Variants in FRYL observed in about 807,000 individuals in gnomAD.
The protein encoded by FRYL is protein furry homolog-like.
Under a neutral mutation model 351.2 loss-of-function variants are expected in FRYL, and 150 were observed. The observed-to-expected ratio is 0.43, with a 90% CI of 0.37 to 0.49. The LOEUF (loss-of-function observed/expected upper bound fraction) is 0.49. Among genes scored for constraint, FRYL ranks in the 20% least tolerant of loss-of-function variants. The pLI is 0.00. For missense variants in FRYL, 3,036 were observed against 3,619.3 expected (o/e 0.84, Z 4.13); for synonymous variants, 1,153 against 1,257.1 (o/e 0.92, Z 1.75).
In FRYL at chr4:48,535,836, C is replaced by A; in HGVS notation, c.6394-9G>T. On this transcript the variant is annotated splice_polypyrimidine_tract_variant and intron_variant, in intron 47 of 63. Coordinates refer to ENST00000358350, the MANE Select transcript of FRYL (RefSeq NM_015030.2). ...TTTTCTTCTGCACAAACCTAGAAAA[C>A]AAATAAAATTATTTCATTCACCTAA... 1 of 1,489,552 alleles carries A rather than the reference C, an allele frequency of 6.7e-7. No individual in the cohort carries two copies. Among genetic ancestry groups the A allele is most frequent in the Non-Finnish European group, 9.0e-7 (1 of 1,112,912 alleles). The allele number at this position is 1,489,552 out of a possible 1,614,324, so 92.3% of individuals were successfully genotyped here.
chr4:48,622,725 G>A (rs1750922444), intron 5 of FRYL, among the ~76,000 whole-genome samples: 1 of 152,094 alleles, frequency 6.6e-6, no homozygotes, highest in Non-Finnish European at 1.5e-5. Flanking sequence ...GGAAGAATTA[G>A]CATTAGAAGA....
In FRYL at chr4:48,761,651, A is replaced by G. The variant is rs78046871; in HGVS notation, c.-384+18427T>C. On this transcript the variant is annotated intron_variant, in intron 1 of 63. Coordinates refer to ENST00000358350, the MANE Select transcript of FRYL (RefSeq NM_015030.2). ...GTCTACTGTACTTTTCTTTGTTTAGATACAAGAAAGTATCTAAACATAGAA... is the reference window on the plus strand; with the variant it reads ...GTCTACTGTACTTTTCTTTGTTTAGGTACAAGAAAGTATCTAAACATAGAA... Among the ~76,000 whole-genome samples the G allele has an allele frequency of 3.6e-3, 546 of 152,260 alleles. 6 individuals are homozygous for G. The highest frequency in any genetic ancestry group is 0.013 in the African/African-American group (534 of 41,538).
chr4:48,576,267 A>C, intron 23 of FRYL, 45 bp from the exon 24 acceptor site: 20 of 1,328,542 alleles, frequency 1.5e-5, no homozygotes, highest in Non-Finnish European at 1.7e-5. Context: ...ATAACACAAC[A>C]CGTTTTTAAA....
At chr4:48,604,307 G>T (rs1297924035) in intron 11 of FRYL, among the ~76,000 whole-genome samples, 1 of 152,212 alleles carries the variant, frequency 6.6e-6, no homozygotes, top group African/African-American at 2.4e-5. Context: ...GGCAGAAGGA[G>T]CTGCATGTGC....
At chr4:48,696,876 CT>C (rs1421398981) in intron 2 of FRYL, among the ~76,000 whole-genome samples, 7 of 151,502 alleles carry the variant, frequency 4.6e-5, no homozygotes, top group Non-Finnish European at 8.8e-5. Context: ...ATCTATCTAT[CT>C]ATCTATCTAT....
At chr4:48,679,656 GTT>G (rs1193546993) in intron 3 of FRYL, among the ~76,000 whole-genome samples, 1 of 141,330 alleles carries the variant, frequency 7.1e-6, no homozygotes, top group Non-Finnish European at 1.5e-5. Flanking sequence ...ATAATATACA[GTT>G]TCAAACAGCT....
intron 1 of FRYL, among the ~76,000 whole-genome samples, chr4:48,717,127 TG>T (rs1768944765): frequency 2.1e-5 from 1 of 48,534 alleles, no homozygotes; most frequent in Non-Finnish European, 3.7e-5. Flanking sequence ...TGTTGTGGGG[TG>T]GGGGGAGGGG....
At position 48,637,487 on chromosome 4, in the gene FRYL, C is replaced by T. The variant is rs1403226025; in HGVS notation, c.-80-2997G>A. 3 of 152,112 alleles carry T rather than the reference C, an allele frequency of 2.0e-5. No homozygotes were observed. The East Asian group carries it at 5.8e-4, about 29-fold the overall frequency. 9.4% of individuals were successfully genotyped at this position (152,112 alleles called of 1,614,324 possible). A position where few individuals can be genotyped will look rare whatever the true frequency, so the allele number is the denominator to read the frequency against. ...CTAAGTTGTAATATTTCTCTACATG[C>T]TAACCCAAAATTTTGAAAGATTTAT... On this transcript the variant is annotated intron_variant, in intron 3 of 63. Transcript: ENST00000358350.
chr4:48,553,250 A>T lies in FRYL; in HGVS notation c.4400T>A (p.Ile1467Asn), dbSNP rs776832484. ...AGAAGGGATTTTATAGCTGGAAGTG[A>T]TGCGATAATACGGGGGATTATCCAT... The part of the protein sequence containing the change: ...THMDNPPYYR[I>N]TSSYKIPSVT... Residue 1467 changes from isoleucine (I) to asparagine (N), a missense_variant, in exon 36 of 64, where the codon ATC (isoleucine) becomes AAC (asparagine). Transcript: ENST00000358350. 6.2e-7 allele frequency: 1 copy of T among 1,613,082 alleles called. No homozygotes were observed. The highest frequency in any genetic ancestry group is 8.5e-7 in the Non-Finnish European group (1 of 1,179,672).
At chr4:48,700,839 A>G (rs1172033508) in intron 2 of FRYL, among the ~76,000 whole-genome samples, 1 of 151,622 alleles carries the variant, frequency 6.6e-6, no homozygotes, top group East Asian at 1.9e-4. Context: ...AACTTTCATC[A>G]CTCCAAACTA....
intron 13 of FRYL, 66 bp from the exon 14 acceptor site, chr4:48,596,066 C>T (rs1239796952): frequency 1.6e-5 from 17 of 1,046,812 alleles, no homozygotes; most frequent in Non-Finnish European, 1.3e-5. Context: ...CAAACATATT[C>T]TCTGTCAACA....
At chr4:48,525,510 G>C (rs1725928480) in intron 53 of FRYL, among the ~76,000 whole-genome samples, 1 of 152,204 alleles carries the variant, frequency 6.6e-6, no homozygotes, top group Non-Finnish European at 1.5e-5. Flanking sequence ...ACAATGAACA[G>C]TGTGATACGG....
At chr4:48,542,642 T>C (rs142518514) in intron 44 of FRYL, among the ~76,000 whole-genome samples, 256 of 152,244 alleles carry the variant, frequency 1.7e-3, no homozygotes, top group African/African-American at 5.8e-3. Context: ...TCTCGAACTC[T>C]TGATCTCAGG....
chr4:48,553,549 ATCAATACTG>A (rs889604047), intron 35 of FRYL, among the ~76,000 whole-genome samples, 166 bp from the exon 36 acceptor site: 2 of 152,132 alleles, frequency 1.3e-5, no homozygotes, highest in Non-Finnish European at 2.9e-5. Flanking sequence ...AATCAGCTTT[ATCAATACTG>A]TCCTCCCTCT....
intron 1 of FRYL, among the ~76,000 whole-genome samples, chr4:48,729,045 G>A (rs776179553): frequency 3.3e-5 from 5 of 152,218 alleles, no homozygotes; most frequent in Admixed American, 1.3e-4. Context: ...CACGGTCTTC[G>A]CAACTGGCAG....
At chr4:48,756,939 C>T (rs549993518) in intron 1 of FRYL, among the ~76,000 whole-genome samples, 2 of 152,230 alleles carry the variant, frequency 1.3e-5, no homozygotes, top group Admixed American at 1.3e-4. Flanking sequence ...CGGAGTGAGA[C>T]TCTGTCTCTA....
intron 3 of FRYL, among the ~76,000 whole-genome samples, chr4:48,648,096 A>C (rs536833611): frequency 6.6e-6 from 1 of 152,308 alleles, no homozygotes; most frequent in African/African-American, 2.4e-5. Context: ...CACATGTTGT[A>C]GGTATTATAT....
intron 3 of FRYL, chr4:48,646,001 T>C (rs1756389355): frequency 6.6e-6 from 1 of 152,190 alleles, no homozygotes; most frequent in Admixed American, 6.5e-5. Context: ...CTTCTTATTT[T>C]CTTCCATATA....
chr4:48,771,711 AAAC>A (rs947614681), intron 1 of FRYL, among the ~76,000 whole-genome samples: 8 of 152,186 alleles, frequency 5.3e-5, no homozygotes, highest in African/African-American at 1.9e-4. Flanking sequence ...AAGCAGTAAA[AAAC>A]AACAAGTCCC....
Sources: allele counts gnomAD v4.1 joint callset (sites outside exome capture counted in the v4.1 genomes callset), GRCh38; gene constraint gnomAD v4.1.1; transcripts MANE v1.5; gene names NCBI Gene and HGNC (gene_info 2026-07-23, HGNC 2026-07-21).